NBEA: variants seen among roughly 807,000 people sequenced by gnomAD.
NBEA encodes lysosomal-trafficking regulator 2.
In NBEA, 44 loss-of-function variants were observed where a neutral mutation model predicts 343.4. The ratio of observed to expected loss-of-function variants is 0.13; its 90% CI spans 0.10 to 0.16. The LOEUF (loss-of-function observed/expected upper bound fraction) is 0.16. Among genes scored for constraint, NBEA ranks in the 10% least tolerant of loss-of-function variants. The pLI, the probability that NBEA is intolerant of heterozygous loss-of-function variation, is 1.00. For missense variants in NBEA, 2,555 were observed against 3,631.3 expected, an observed-to-expected ratio of 0.70 and a Z score of 7.62; for synonymous variants, 1,175 against 1,238.7, an observed-to-expected ratio of 0.95 and a Z score of 1.08.
intron 35 of NBEA, among the ~76,000 whole-genome samples, chr13:35,295,102 G>GTATAATATTTATATTTAATATATAAA (rs1463378866): frequency 6.8e-6 from 1 of 147,636 alleles, no homozygotes; most frequent in Non-Finnish European, 1.5e-5. Context: ...GCCAGGCAAT[G>GTATAATATTTATATTTAATATATAAA]TATAATATTT....
chr13:35,339,196 C>A (rs994161448), intron 36 of NBEA, among the ~76,000 whole-genome samples: 4 of 151,394 alleles, frequency 2.6e-5, no homozygotes, highest in African/African-American at 9.7e-5. Flanking sequence ...AAATTGAAAA[C>A]GAAGAAACAA....
intron 39 of NBEA, among the ~76,000 whole-genome samples, chr13:35,438,786 A>T (rs1056025088): frequency 6.6e-6 from 1 of 152,154 alleles, no homozygotes. Context: ...TCTTCACCCT[A>T]TGGTTTTTAC....
intron 38 of NBEA, among the ~76,000 whole-genome samples, chr13:35,409,877 T>A (rs2043484727): frequency 6.6e-6 from 1 of 152,162 alleles, no homozygotes; most frequent in African/African-American, 2.4e-5. Context: ...CCACTTTCTT[T>A]TTTCATGTCT....
rs77281508 is a variant in NBEA, at chr13:35,051,888, A to G, written c.972+1493A>G. Among the ~76,000 whole-genome samples, 60 of 152,218 alleles carry G rather than the reference A, an allele frequency of 3.9e-4. 1 individual carries two copies. In the East Asian group the frequency reaches 0.01, roughly 26 times the overall value. ...ATTTTAGGAAATGGTGGTTTAAAGA[A>G]TGTACAGGCAAACAATTAGAGTGAA... On this transcript the variant is annotated intron_variant, in intron 6 of 58. Transcript: ENST00000379939.
chr13:35,395,007 A>G (rs1008819007), intron 38 of NBEA, among the ~76,000 whole-genome samples: 1 of 152,066 alleles, frequency 6.6e-6, no homozygotes, highest in Admixed American at 6.6e-5. Context: ...TTTGTAACCC[A>G]TGTATTATTT....
At chr13:35,285,721 C>T (rs533774514) in intron 34 of NBEA, among the ~76,000 whole-genome samples, 4 of 152,260 alleles carry the variant, frequency 2.6e-5, no homozygotes, top group African/African-American at 9.6e-5. Context: ...TAGTTACTAG[C>T]TTCTTCCTAT....
chr13:35,661,246 A>G (rs9544928), intron 55 of NBEA, among the ~76,000 whole-genome samples: 19,469 of 152,140 alleles, frequency 0.13, 1,307 homozygotes, highest in South Asian at 0.18. Context: ...TTCCTGAGGA[A>G]GGGGAGGTGG....
chr13:35,279,448 A>G (rs1348350954), intron 34 of NBEA, among the ~76,000 whole-genome samples: 1 of 152,192 alleles, frequency 6.6e-6, no homozygotes, highest in Non-Finnish European at 1.5e-5. Flanking sequence ...TTCAGACTAA[A>G]ATAATTCTGA....
chr13:35,190,482 C>A (rs9600249), intron 30 of NBEA, among the ~76,000 whole-genome samples: 2 of 152,110 alleles, frequency 1.3e-5, no homozygotes, highest in Non-Finnish European at 2.9e-5. Flanking sequence ...CACACAGAGC[C>A]TGTGGCAAAG....
intron 38 of NBEA, among the ~76,000 whole-genome samples, chr13:35,424,340 T>A (rs1021903202): frequency 6.6e-6 from 1 of 152,204 alleles, no homozygotes; most frequent in South Asian, 2.1e-4. Flanking sequence ...ACCTAATTTA[T>A]TGAGAGTTTT....
intron 16 of NBEA, among the ~76,000 whole-genome samples, chr13:35,122,441 A>G (rs1379972511): frequency 5.9e-5 from 9 of 152,014 alleles, no homozygotes; most frequent in Non-Finnish European, 1.3e-4. Context: ...GAAGCTGGAA[A>G]CCATCATTCT....
chr13:35,197,811 T>C (rs908071856), intron 31 of NBEA, among the ~76,000 whole-genome samples: 1 of 152,220 alleles, frequency 6.6e-6, no homozygotes, highest in Non-Finnish European at 1.5e-5. Flanking sequence ...AATTACCCTT[T>C]TAATACACAA....
At position 35,094,564 on chromosome 13, in the gene NBEA, CTTA is replaced by C. The variant is rs759237331; in HGVS notation, c.1572-3730_1572-3728del. 9.6e-4 allele frequency among the ~76,000 whole-genome samples: 146 copies of C among 152,004 alleles called. 1 individual carries two copies. The highest frequency in any genetic ancestry group is 1.0e-3 in the Non-Finnish European group (71 of 67,944). Reference sequence around the variant, plus strand: ...TGTGAAGGAAATTTAACTCTTACAACTTATTGTGAGTTTTTTGTGTGTCACCGA... The same window carrying C: ...TGTGAAGGAAATTTAACTCTTACAACTTGTGAGTTTTTTGTGTGTCACCGA... On this transcript the variant is annotated intron_variant, in intron 10 of 58. Transcript: ENST00000379939.
intron 34 of NBEA, among the ~76,000 whole-genome samples, chr13:35,247,216 G>A (rs954878871): frequency 6.6e-6 from 1 of 152,162 alleles, no homozygotes; most frequent in Non-Finnish European, 1.5e-5. Flanking sequence ...CCGGCCTCCT[G>A]GCCCAGAAAG....
chr13:35,581,841 A>C, intron 45 of NBEA, among the ~76,000 whole-genome samples: 1 of 150,488 alleles, frequency 6.6e-6, no homozygotes. Flanking sequence ...TATGTAACTA[A>C]CCTGCACAAT....
chr13:35,183,424 C>T (rs917871939), intron 29 of NBEA, among the ~76,000 whole-genome samples: 1 of 151,892 alleles, frequency 6.6e-6, no homozygotes, highest in Non-Finnish European at 1.5e-5. Flanking sequence ...GTGGTCAAAT[C>T]TCTGCATCTT....
At chr13:35,222,295 G>T (rs116968401) in intron 33 of NBEA, among the ~76,000 whole-genome samples, 1,864 of 151,920 alleles carry the variant, frequency 0.012, 15 homozygotes, top group Middle Eastern at 0.035. Flanking sequence ...CTTTATTTTA[G>T]TGAAGGGTTT....
intron 33 of NBEA, among the ~76,000 whole-genome samples, chr13:35,214,137 T>G (rs554001980): frequency 1.6e-4 from 25 of 152,012 alleles, no homozygotes; most frequent in Non-Finnish European, 2.9e-4. Context: ...TAATCTACTC[T>G]TCTTTTCACC....
At chr13:35,451,869 C>A (rs1470093418) in intron 39 of NBEA, among the ~76,000 whole-genome samples, 1 of 152,152 alleles carries the variant, frequency 6.6e-6, no homozygotes, top group South Asian at 2.1e-4. Context: ...CTTCCTCTGC[C>A]TGTTTCCTCA....
Sources: gnomAD v4.1 joint callset for allele counts (sites outside exome capture counted in the v4.1 genomes callset) on GRCh38, gnomAD v4.1.1 for gene constraint, MANE v1.5 for transcripts, NCBI Gene and HGNC (gene_info 2026-07-23, HGNC 2026-07-21) for gene names.